Variants in SLC36A1 observed in about 807,000 individuals in gnomAD.
SLC36A1 encodes the protein solute carrier family 36 member 1, also known as proton-coupled amino acid transporter 1.
A neutral mutation model predicts 47.5 loss-of-function variants in SLC36A1; 30 were observed. That is an observed-to-expected ratio of 0.63 (90% CI 0.47 to 0.86). The LOEUF is 0.86. SLC36A1 is among the 40% of genes least tolerant of loss of function. The pLI is 0.00. For missense variants in SLC36A1, 517 were observed against 606.0 expected (o/e 0.85, Z 1.54); for synonymous variants, 255 against 249.7 (o/e 1.02, Z -0.20).
chr5:151,432,292 C>G (rs986719126), upstream of SLC36A1, among the ~76,000 whole-genome samples: 3 of 152,174 alleles, frequency 2.0e-5, no homozygotes, highest in African/African-American at 7.2e-5. Context: ...GAGTGTATAA[C>G]AAAAGCAGTT....
the SLC36A1 span, chr5:151,517,645 T>C: frequency 1.9e-6 from 3 of 1,614,030 alleles, no homozygotes; most frequent in East Asian, 2.2e-5. Context: ...CGCTGTTTCA[T>C]TGGTGAATAG....
At chr5:151,542,865 G>A in the SLC36A1 span, 6 of 1,614,158 alleles carry the variant, frequency 3.7e-6, no homozygotes, top group Non-Finnish European at 5.1e-6. Flanking sequence ...CGTGGTCCAT[G>A]GGCTTCCTCA....
At chr5:151,551,447 C>G in the SLC36A1 span, 10 of 1,612,586 alleles carry the variant, frequency 6.2e-6, no homozygotes, top group Non-Finnish European at 8.5e-6. Context: ...ATACAGGGGT[C>G]CCCAGCCGAG....
chr5:151,349,397 G>A, the SLC36A1 span, among the ~76,000 whole-genome samples: 1 of 152,052 alleles, frequency 6.6e-6, no homozygotes, highest in African/African-American at 2.4e-5. Context: ...TCCTAGGGTG[G>A]GGATGTCCAA....
chr5:151,530,925 T>C, the SLC36A1 span, among the ~76,000 whole-genome samples: 11 of 152,152 alleles, frequency 7.2e-5, no homozygotes, highest in Non-Finnish European at 1.0e-4. Context: ...TTTTAAAAAA[T>C]ATTGCTCAAT....
the SLC36A1 span, among the ~76,000 whole-genome samples, chr5:151,421,088 T>C: frequency 1.3e-5 from 2 of 151,892 alleles, no homozygotes; most frequent in Non-Finnish European, 2.9e-5. Flanking sequence ...TTAGCCAGGA[T>C]GGTCTCGATC....
At chr5:151,474,183 A>AAAAAAAAAAAAAAAAAAAAATTATCTTC (rs1561770143) in intron 8 of SLC36A1, among the ~76,000 whole-genome samples, 4 of 145,370 alleles carry the variant, frequency 2.8e-5, no homozygotes, top group African/African-American at 1.1e-4. Flanking sequence ...AAAAAAAGAA[A>AAAAAAAAAAAAAAAAAAAAATTATCTTC]TTATCTTCTG....
the SLC36A1 span, among the ~76,000 whole-genome samples, chr5:151,418,083 G>GTTCT: frequency 6.6e-6 from 1 of 152,258 alleles, no homozygotes; most frequent in African/African-American, 2.4e-5. Context: ...TGGGCCTACA[G>GTTCT]GTGCACAGAA....
chr5:151,459,033 T>C (rs1755128001), intron 2 of SLC36A1, 98 bp downstream of exon 2: 2 of 1,361,356 alleles, frequency 1.5e-6, no homozygotes, highest in Non-Finnish European at 2.0e-6. Context: ...TCCTCCACTT[T>C]ACAGATGAAG....
At chr5:151,542,351 C>T in the SLC36A1 span, 1 of 1,614,032 alleles carries the variant, frequency 6.2e-7, no homozygotes, top group East Asian at 2.2e-5. Context: ...TTTAGAGTCG[C>T]CACCAGTTCG....
chr5:151,386,095 G>T, the SLC36A1 span, among the ~76,000 whole-genome samples: 1,729 of 151,960 alleles, frequency 0.011, 33 homozygotes, highest in African/African-American at 0.04. Context: ...GGCCAGGCTG[G>T]TCTCAAACTC....
chr5:151,453,865 G>A (rs946036152), intron 1 of SLC36A1, among the ~76,000 whole-genome samples: 35 of 150,380 alleles, frequency 2.3e-4, no homozygotes, highest in African/African-American at 8.3e-4. Context: ...TTTAAAAATA[G>A]AATAAAATTT....
the SLC36A1 span, among the ~76,000 whole-genome samples, chr5:151,389,360 C>T: frequency 3.3e-5 from 5 of 152,084 alleles, no homozygotes; most frequent in South Asian, 2.1e-4. Flanking sequence ...CCTATAATGC[C>T]TCCCGTCCCC....
the SLC36A1 span, among the ~76,000 whole-genome samples, chr5:151,536,777 G>A: frequency 2.6e-5 from 4 of 152,170 alleles, no homozygotes; most frequent in Non-Finnish European, 5.9e-5. Flanking sequence ...TTGCAGCATA[G>A]ATACCTTGAG....
At chr5:151,481,418 T>A (rs1432585156) in intron 10 of SLC36A1, among the ~76,000 whole-genome samples, 2 of 152,240 alleles carry the variant, frequency 1.3e-5, no homozygotes, top group Non-Finnish European at 2.9e-5. Flanking sequence ...TAAATGTATT[T>A]ATGCGCGTTC....
chr5:151,519,781 A>G, the SLC36A1 span, among the ~76,000 whole-genome samples: 1 of 152,106 alleles, frequency 6.6e-6, no homozygotes. Context: ...CCTCTTTTCA[A>G]CTGATTCTGG....
At chr5:151,442,626 C>T (rs538181764), upstream of SLC36A1, among the ~76,000 whole-genome samples, 38 of 152,272 alleles carry the variant, frequency 2.5e-4, no homozygotes, top group African/African-American at 8.9e-4. Flanking sequence ...TAACAAATCT[C>T]TCCCTATCCT....
chr5:151,479,551 T>G (rs1410452667), intron 10 of SLC36A1, 62 bp downstream of exon 10: 1 of 1,567,942 alleles, frequency 6.4e-7, no homozygotes, highest in African/African-American at 1.4e-5. Flanking sequence ...GTCTGCAGGC[T>G]TTCATGAGAA....
At chr5:151,487,922 A>G in intron 10 of SLC36A1, 61 bp from the exon 11 acceptor site, 1 of 1,583,916 alleles carries the variant, frequency 6.3e-7, no homozygotes. Context: ...GCTCAACAGT[A>G]GGGAGACAGA....
Sources: gnomAD v4.1 joint callset for allele counts (sites outside exome capture counted in the v4.1 genomes callset) on GRCh38, gnomAD v4.1.1 for gene constraint, MANE v1.5 for transcripts, NCBI Gene and HGNC (gene_info 2026-07-23, HGNC 2026-07-21) for gene names.